Variants in NDUFAF6 observed in about 807,000 individuals in gnomAD.
The protein encoded by NDUFAF6 is NADH:ubiquinone oxidoreductase complex assembly factor 6.
In NDUFAF6, 45 loss-of-function variants were observed where a neutral mutation model predicts 40.8. The observed-to-expected ratio is 1.10, with a 90% CI of 0.87 to 1.42. NDUFAF6 has a LOEUF of 1.42. NDUFAF6 is among the 40% of genes most tolerant of loss of function. The pLI is 0.00. For synonymous variants in NDUFAF6, 185 were observed against 155.9 expected, an observed-to-expected ratio of 1.19 and a Z score of -1.39; for missense variants, 435 against 418.5, an observed-to-expected ratio of 1.04 and a Z score of -0.34.
At chr8:95,096,170 G>T (rs566741720), upstream of NDUFAF6, among the ~76,000 whole-genome samples, 4 of 152,290 alleles carry the variant, frequency 2.6e-5, no homozygotes, top group African/African-American at 7.2e-5. Flanking sequence ...GGATGCAAGG[G>T]TTCCCTTTAT....
intron 2 of NDUFAF6, among the ~76,000 whole-genome samples, chr8:94,997,329 CACACACACACACACAG>C (rs1480580749): frequency 7.1e-6 from 1 of 139,866 alleles, no homozygotes; most frequent in Non-Finnish European, 1.6e-5. Context: ...CACACACACA[CACACACACACACACAG>C]AGAGAGAGAG....
At chr8:94,935,380 G>C (rs1820881606) in intron 1 of NDUFAF6, among the ~76,000 whole-genome samples, 1 of 152,160 alleles carries the variant, frequency 6.6e-6, no homozygotes, top group African/African-American at 2.4e-5. Context: ...ACTGGGTAAT[G>C]GGGTTTACTT....
At chr8:95,116,263 T>C (rs1021759253) in intron 5 of NDUFAF6, 1 of 152,256 alleles carries the variant, frequency 6.6e-6, no homozygotes. Context: ...TTTTTTTTTT[T>C]TTCTAGATGC....
At chr8:94,930,901 T>A (rs1820331333) in intron 1 of NDUFAF6, among the ~76,000 whole-genome samples, 1 of 152,164 alleles carries the variant, frequency 6.6e-6, no homozygotes, top group Non-Finnish European at 1.5e-5. Context: ...TGACTGATAG[T>A]GGTGGAAAGG....
chr8:95,056,854 C>T (rs1029346171), intron 8 of NDUFAF6, among the ~76,000 whole-genome samples: 2 of 148,558 alleles, frequency 1.3e-5, no homozygotes, highest in African/African-American at 5.0e-5. Context: ...TGCAGTGAGC[C>T]GAGATCATGC....
downstream of NDUFAF6, among the ~76,000 whole-genome samples, chr8:95,077,687 G>A (rs1808678050): frequency 2.0e-5 from 3 of 152,220 alleles, no homozygotes; most frequent in Admixed American, 6.5e-5. Context: ...TACCATGACA[G>A]GAGAAGCATA....
rs1428667063 is a variant in NDUFAF6 at position 94,984,569 on chromosome 8, T to C, written c.-84+3596T>C. Among the ~76,000 whole-genome samples, 14 of 152,314 alleles carry C rather than the reference T, an allele frequency of 9.2e-5. No individual in the cohort carries two copies. In the East Asian group the frequency reaches 2.7e-3, roughly 29 times the overall value. On this transcript the variant is annotated intron_variant, in intron 2 of 9. Transcript: ENST00000396111. The stretch of plus-strand genomic sequence containing the variant: ...CAGAGGGCAAAACAGTCCAATTCAA[T>C]CACCAAACTTGTGGAGTCCACAGGG...
chr8:95,057,422 C>T (rs546573495), intron 8 of NDUFAF6, among the ~76,000 whole-genome samples: 1 of 152,060 alleles, frequency 6.6e-6, no homozygotes, highest in Non-Finnish European at 1.5e-5. Flanking sequence ...TGAGCTCCCC[C>T]TCATGGTACA....
intron 8 of NDUFAF6, among the ~76,000 whole-genome samples, chr8:95,053,925 CTTTTTTTTTTTTTTT>C (rs71273448): frequency 2.7e-5 from 1 of 37,016 alleles, no homozygotes; most frequent in Non-Finnish European, 5.0e-5. Flanking sequence ...CCGTGCCCGG[CTTTTTTTTTTTTTTT>C]TTTTTTTTTT....
intron 1 of NDUFAF6, among the ~76,000 whole-genome samples, chr8:94,942,429 A>G (rs1210969503): frequency 6.6e-6 from 1 of 152,084 alleles, no homozygotes; most frequent in Non-Finnish European, 1.5e-5. Flanking sequence ...GCCTGCTTCC[A>G]TCCACCACTC....
chr8:95,014,231 G>T (rs1456288376), intron 2 of NDUFAF6, among the ~76,000 whole-genome samples: 1 of 152,242 alleles, frequency 6.6e-6, no homozygotes, highest in Non-Finnish European at 1.5e-5. Flanking sequence ...GGGAAAGGAA[G>T]ATTTTAGATG....
chr8:95,021,492 A>G (rs1373224836), upstream of NDUFAF6, among the ~76,000 whole-genome samples: 1 of 152,224 alleles, frequency 6.6e-6, no homozygotes. Flanking sequence ...TCCCAAGGCA[A>G]CAGACTATAT....
intron 1 of NDUFAF6, among the ~76,000 whole-genome samples, chr8:94,933,281 T>C (rs1820608960): frequency 6.6e-6 from 1 of 152,228 alleles, no homozygotes. Context: ...GTATTTGTTT[T>C]ACTATCCCTA....
chr8:95,076,378 C>T (rs1335296638), downstream of NDUFAF6, among the ~76,000 whole-genome samples: 1 of 152,182 alleles, frequency 6.6e-6, no homozygotes, highest in East Asian at 1.9e-4. Flanking sequence ...CATCATTTCC[C>T]ACTCCAGAAT....
At chr8:95,012,290 G>C (rs563742361) in intron 2 of NDUFAF6, among the ~76,000 whole-genome samples, 2 of 152,068 alleles carry the variant, frequency 1.3e-5, no homozygotes, top group South Asian at 2.1e-4. Flanking sequence ...TGTAAGTAAG[G>C]GCTCTTAACT....
chr8:94,938,758 C>A (rs1430403240), intron 1 of NDUFAF6, among the ~76,000 whole-genome samples: 1 of 152,218 alleles, frequency 6.6e-6, no homozygotes, highest in Non-Finnish European at 1.5e-5. Flanking sequence ...ATCCCTTCAT[C>A]TGTATCCTTT....
intron 9 of NDUFAF6, among the ~76,000 whole-genome samples, chr8:95,074,036 A>G (rs927138014): frequency 2.0e-5 from 3 of 152,142 alleles, no homozygotes; most frequent in African/African-American, 7.2e-5. Flanking sequence ...AGACTGAAAT[A>G]TTTATGTCTG....
At chr8:95,036,121 T>C (rs1388534262) in intron 3 of NDUFAF6, among the ~76,000 whole-genome samples, 1 of 152,256 alleles carries the variant, frequency 6.6e-6, no homozygotes, top group Non-Finnish European at 1.5e-5. Flanking sequence ...AATGGAAACC[T>C]ATGGGCTAGA....
At chr8:95,053,406 C>A (rs539326445) in intron 8 of NDUFAF6, among the ~76,000 whole-genome samples, 2 of 152,224 alleles carry the variant, frequency 1.3e-5, no homozygotes, top group Non-Finnish European at 2.9e-5. Flanking sequence ...ATACCATCAG[C>A]TGTTTAACAT....
Sources: gnomAD v4.1 joint callset for allele counts (sites outside exome capture counted in the v4.1 genomes callset) on GRCh38, gnomAD v4.1.1 for gene constraint, MANE v1.5 for transcripts, NCBI Gene and HGNC (gene_info 2026-07-23, HGNC 2026-07-21) for gene names.